The following CNTN5 variants were observed in gnomAD, a reference collection of about 807,000 sequenced individuals.
The protein encoded by CNTN5 is contactin 5, also known as contactin-5.
A neutral mutation model predicts 129.1 loss-of-function variants in CNTN5; 77 were observed. That is an observed-to-expected ratio of 0.60 (90% confidence interval 0.50 to 0.72). The LOEUF (loss-of-function observed/expected upper bound fraction) is 0.72, where lower values mean the gene tolerates loss of function less well. Ranked by LOEUF, CNTN5 falls within the 30% of genes least tolerant of loss-of-function variation. The probability of loss-of-function intolerance (pLI) is 0.00; values close to 1 mark genes in which losing one functional copy is unlikely to be tolerated. For missense variants in CNTN5, 1,478 were observed against 1,328.8 expected (o/e 1.11, Z -1.75); for synonymous variants, 509 against 465.6 (o/e 1.09, Z -1.20).
At chr11:99,382,844 A>AGTTTTTTTTTTTTTTTTTTTTT (rs774797660) in intron 2 of CNTN5, among the ~76,000 whole-genome samples, 3 of 69,400 alleles carry the variant, frequency 4.3e-5, no homozygotes, top group African/African-American at 7.2e-5. Flanking sequence ...TCTCTAAATA[A>AGTTTTTTTTTTTTTTTTTTTTT]CTTTTTTTTT....
chr11:99,598,354 C>G (rs1240602213), intron 3 of CNTN5, among the ~76,000 whole-genome samples: 2 of 42,514 alleles, frequency 4.7e-5, no homozygotes, highest in African/African-American at 8.7e-5. Flanking sequence ...CTCTCTCTCT[C>G]TCTCTCTCTC....
intron 3 of CNTN5, among the ~76,000 whole-genome samples, chr11:99,755,344 A>G (rs1307871510): frequency 6.6e-6 from 1 of 152,156 alleles, no homozygotes. Context: ...CCTGTCAGCA[A>G]CGAATGAAAT....
At chr11:100,289,733 C>G (rs1307011612) in intron 18 of CNTN5, among the ~76,000 whole-genome samples, 1 of 150,342 alleles carries the variant, frequency 6.7e-6, no homozygotes, top group Admixed American at 6.6e-5. Flanking sequence ...CACTCCTATT[C>G]AACATAGTGT....
At chr11:100,078,188 T>C (rs1944220895) in intron 13 of CNTN5, among the ~76,000 whole-genome samples, 1 of 152,192 alleles carries the variant, frequency 6.6e-6, no homozygotes, top group Admixed American at 6.5e-5. Context: ...CTTTGTTTTC[T>C]TGAAGGTCAG....
intron 8 of CNTN5, among the ~76,000 whole-genome samples, chr11:99,992,641 A>G (rs981606613): frequency 2.0e-5 from 3 of 152,208 alleles, no homozygotes; most frequent in African/African-American, 7.2e-5. Context: ...AAATTTTAAT[A>G]AGTTGTCCAG....
At chr11:99,373,479 C>T (rs938680761) in intron 2 of CNTN5, among the ~76,000 whole-genome samples, 6 of 151,600 alleles carry the variant, frequency 4.0e-5, no homozygotes, top group Non-Finnish European at 5.9e-5. Flanking sequence ...TTTGGGAGGC[C>T]GAGGTGGGTG....
intron 7 of CNTN5, among the ~76,000 whole-genome samples, chr11:99,934,967 G>A (rs1170175600): frequency 7.3e-6 from 1 of 136,270 alleles, no homozygotes; most frequent in Non-Finnish European, 1.5e-5. Context: ...TATATATGGT[G>A]ATTAGTCCTA....
intron 3 of CNTN5, among the ~76,000 whole-genome samples, chr11:99,594,869 G>C (rs1950079894): frequency 6.6e-6 from 1 of 152,142 alleles, no homozygotes; most frequent in Non-Finnish European, 1.5e-5. Flanking sequence ...TTTTTGATAG[G>C]ACACATAGGT....
At chr11:99,276,369 T>C (rs557420207) in intron 1 of CNTN5, among the ~76,000 whole-genome samples, 2 of 151,746 alleles carry the variant, frequency 1.3e-5, no homozygotes, top group Admixed American at 1.3e-4. Context: ...TAATAAAACA[T>C]TTAATAATTA....
chr11:100,034,990 C>T (rs927514827), intron 9 of CNTN5, among the ~76,000 whole-genome samples: 3 of 152,072 alleles, frequency 2.0e-5, no homozygotes, highest in African/African-American at 7.2e-5. Flanking sequence ...TATTATTATA[C>T]TTTAAGTTTT....
intron 2 of CNTN5, among the ~76,000 whole-genome samples, chr11:99,419,394 T>TA (rs768380147): frequency 5.3e-5 from 8 of 152,116 alleles, no homozygotes; most frequent in African/African-American, 1.2e-4. Context: ...TGTTTTATAT[T>TA]AAAAAAAATT....
intron 10 of CNTN5, among the ~76,000 whole-genome samples, chr11:100,065,352 A>G (rs1943657575): frequency 6.6e-6 from 1 of 152,004 alleles, no homozygotes. Flanking sequence ...TTATGATTCT[A>G]TACTGTTATA....
At chr11:100,179,669 T>G (rs2138445626) in intron 13 of CNTN5, among the ~76,000 whole-genome samples, 1 of 152,210 alleles carries the variant, frequency 6.6e-6, no homozygotes, top group Admixed American at 6.5e-5. Flanking sequence ...TGCATTTACC[T>G]GATTATACCT....
rs78104039 is a variant in CNTN5 at position 99,801,291 on chromosome 11, G to A, written c.56-18253G>A. Reference sequence around the variant, plus strand: ...TCTCCTGGCTTGTAATGTTTCTGCTGAGAAGTCTGCAGTTAATCTGATGAG... The same window carrying A: ...TCTCCTGGCTTGTAATGTTTCTGCTAAGAAGTCTGCAGTTAATCTGATGAG... On this transcript the variant is annotated intron_variant, in intron 3 of 24. Transcript: ENST00000524871. Among the ~76,000 whole-genome samples, 456 of 152,300 alleles carry A rather than the reference G, an allele frequency of 3.0e-3. 4 individuals carry two copies. Among genetic ancestry groups the A allele is most frequent in the Middle Eastern group, 0.017 (5 of 294 alleles).
intron 23 of CNTN5, among the ~76,000 whole-genome samples, chr11:100,350,451 A>G (rs567302185): frequency 5.3e-5 from 8 of 151,822 alleles, no homozygotes; most frequent in Middle Eastern, 3.4e-3. Flanking sequence ...ATATTTAAGT[A>G]TGTAGTTCAG....
intron 9 of CNTN5, among the ~76,000 whole-genome samples, chr11:100,007,794 T>A (rs1940287129): frequency 6.6e-6 from 1 of 152,080 alleles, no homozygotes; most frequent in Admixed American, 6.6e-5. Flanking sequence ...AAACTTTTTT[T>A]TTTTCATTCA....
intron 3 of CNTN5, among the ~76,000 whole-genome samples, chr11:99,683,879 TAC>T (rs145023582): frequency 0.042 from 6,434 of 151,894 alleles, 463 homozygotes; most frequent in African/African-American, 0.14. Flanking sequence ...TACATGTTTA[TAC>T]ACACACTGTG....
intron 1 of CNTN5, among the ~76,000 whole-genome samples, chr11:99,156,770 A>G (rs1860355010): frequency 6.6e-6 from 1 of 152,128 alleles, no homozygotes; most frequent in African/African-American, 2.4e-5. Context: ...ATATGTCTAC[A>G]CATATAGTTT....
intron 6 of CNTN5, among the ~76,000 whole-genome samples, chr11:99,907,933 A>T (rs370951592): frequency 1.3e-5 from 2 of 152,188 alleles, no homozygotes; most frequent in South Asian, 2.1e-4. Flanking sequence ...ATTCTTTCAT[A>T]AATGTGAACC....
Sources: allele counts gnomAD v4.1 joint callset (sites outside exome capture counted in the v4.1 genomes callset), GRCh38; gene constraint gnomAD v4.1.1; transcripts MANE v1.5; gene names NCBI Gene and HGNC (gene_info 2026-07-23, HGNC 2026-07-21).